CBLB: variants seen among roughly 807,000 people sequenced by gnomAD.
The protein encoded by CBLB is Cbl proto-oncogene B.
CBLB carries 31 observed loss-of-function variants against 104.9 expected under a neutral mutation model. The ratio of observed to expected loss-of-function variants is 0.30; its 90% CI spans 0.22 to 0.40. The LOEUF (loss-of-function observed/expected upper bound fraction) is 0.40. Ranked by LOEUF, CBLB falls within the 10% of genes least tolerant of loss-of-function variation. The pLI, the probability that CBLB is intolerant of heterozygous loss-of-function variation, is 1.00. For missense variants in CBLB, 1,062 were observed against 1,214.6 expected, an observed-to-expected ratio of 0.87 and a Z score of 1.87; for synonymous variants, 440 against 422.6, an observed-to-expected ratio of 1.04 and a Z score of -0.51.
At chr3:105,840,093 C>G (rs1478159526) in intron 3 of CBLB, among the ~76,000 whole-genome samples, 4 of 151,920 alleles carry the variant, frequency 2.6e-5, no homozygotes, top group Admixed American at 2.0e-4. Flanking sequence ...ATCAGTATGC[C>G]CTACAAAAAC....
chr3:105,766,966 G>A (rs1470639092), intron 4 of CBLB, among the ~76,000 whole-genome samples: 1 of 152,042 alleles, frequency 6.6e-6, no homozygotes, highest in African/African-American at 2.4e-5. Context: ...TTGCTTACAG[G>A]TAGAAAATTA....
chr3:105,821,467 A>G (rs1029613404), intron 3 of CBLB, among the ~76,000 whole-genome samples: 1 of 152,158 alleles, frequency 6.6e-6, no homozygotes, highest in African/African-American at 2.4e-5. Flanking sequence ...ACCAGTCTAT[A>G]CAGTAAGTTA....
intron 18 of CBLB, among the ~76,000 whole-genome samples, chr3:105,661,803 G>A (rs73854354): frequency 6.6e-6 from 1 of 152,084 alleles, no homozygotes; most frequent in Admixed American, 6.6e-5. Flanking sequence ...TTATATATCT[G>A]TGTTTAGAGG....
intron 5 of CBLB, among the ~76,000 whole-genome samples, chr3:105,747,427 C>A (rs1035648517): frequency 6.6e-6 from 1 of 152,090 alleles, no homozygotes; most frequent in African/African-American, 2.4e-5. Flanking sequence ...AGGATTATAT[C>A]CCTTGAGATG....
intron 8 of CBLB, among the ~76,000 whole-genome samples, chr3:105,735,350 A>G (rs1699419443): frequency 6.6e-6 from 1 of 152,206 alleles, no homozygotes; most frequent in Non-Finnish European, 1.5e-5. Context: ...AATTCAAAGT[A>G]AGTTATAAAT....
intron 3 of CBLB, among the ~76,000 whole-genome samples, chr3:105,818,115 T>C (rs2085319570): frequency 6.6e-6 from 1 of 152,262 alleles, no homozygotes; most frequent in Admixed American, 6.5e-5. Context: ...ACAAATTTCA[T>C]CAAAATTAAT....
chr3:105,706,211 T>C (rs898290548), intron 10 of CBLB, among the ~76,000 whole-genome samples: 3 of 152,152 alleles, frequency 2.0e-5, no homozygotes, highest in African/African-American at 7.2e-5. Context: ...TGCCTGAATA[T>C]TGTCATGACA....
intron 17 of CBLB, among the ~76,000 whole-genome samples, chr3:105,677,910 G>A (rs908748016): frequency 7.3e-5 from 11 of 151,372 alleles, no homozygotes; most frequent in African/African-American, 2.4e-4. Flanking sequence ...TACACACTGA[G>A]GCATTAAAAA....
At chr3:105,828,251 C>T (rs1490115829) in intron 3 of CBLB, among the ~76,000 whole-genome samples, 3 of 152,186 alleles carry the variant, frequency 2.0e-5, no homozygotes, top group Non-Finnish European at 4.4e-5. Context: ...TTCATCAAAA[C>T]TTGCTCACAG....
chr3:105,754,194 C>T (rs546963257), intron 4 of CBLB, among the ~76,000 whole-genome samples: 32 of 152,138 alleles, frequency 2.1e-4, no homozygotes, highest in African/African-American at 7.2e-4. Flanking sequence ...AAATAGAGTA[C>T]AACAACAAAG....
At chr3:105,792,091 A>T (rs1447745260) in intron 3 of CBLB, among the ~76,000 whole-genome samples, 3 of 152,206 alleles carry the variant, frequency 2.0e-5, no homozygotes, top group Non-Finnish European at 4.4e-5. Context: ...TTAAAAATGC[A>T]GAATCTCAGG....
chr3:105,769,924 T>C (rs1029134955), intron 4 of CBLB, among the ~76,000 whole-genome samples: 1 of 152,142 alleles, frequency 6.6e-6, no homozygotes, highest in African/African-American at 2.4e-5. Flanking sequence ...AGAAGGTTGT[T>C]GGGGTAATGC....
chr3:105,865,405 C>A (rs1421790259), intron 2 of CBLB, among the ~76,000 whole-genome samples: 1 of 152,092 alleles, frequency 6.6e-6, no homozygotes, highest in African/African-American at 2.4e-5. Context: ...GACAAACAGG[C>A]AATGTACATT....
chr3:105,697,505 C>A (rs773616568), intron 12 of CBLB, among the ~76,000 whole-genome samples: 1 of 151,970 alleles, frequency 6.6e-6, no homozygotes, highest in Non-Finnish European at 1.5e-5. Flanking sequence ...TAAACCCCTA[C>A]ACATGCTACC....
At chr3:105,709,942 C>T (rs949107796) in intron 10 of CBLB, among the ~76,000 whole-genome samples, 2 of 151,890 alleles carry the variant, frequency 1.3e-5, no homozygotes, top group African/African-American at 4.8e-5. Context: ...TTTAATGGGC[C>T]ATACCAATGT....
chr3:105,713,695 C>G (rs949010023), intron 10 of CBLB, among the ~76,000 whole-genome samples: 1 of 152,132 alleles, frequency 6.6e-6, no homozygotes, highest in Non-Finnish European at 1.5e-5. Context: ...CTATTTTGCA[C>G]GAAGAGCTTT....
rs1559948970 is a variant in CBLB, at chr3:105,720,107, CA to C, written c.1346del (p.Leu449TrpfsTer11). ...IDPFGMPMLD[L>X]DDDDDREESL... ...ACTCCTCACGATCATCATCGTCGTC[CA>C]AGTCTAGCATCGGCATGCCAAAGGG... On this transcript the variant is annotated frameshift_variant, in exon 10 of 19. Coordinates refer to ENST00000394030, the MANE Select transcript of CBLB (RefSeq NM_170662.5). LOFTEE classifies it high-confidence loss of function. The C allele has an allele frequency of 6.2e-7, 1 of 1,613,932 alleles. No individual in the cohort carries two copies. Among genetic ancestry groups the C allele is most frequent in the Non-Finnish European group, 8.5e-7 (1 of 1,179,986 alleles).
intron 5 of CBLB, among the ~76,000 whole-genome samples, chr3:105,750,847 A>AT (rs1164647090): frequency 6.6e-6 from 1 of 152,192 alleles, no homozygotes; most frequent in African/African-American, 2.4e-5. Flanking sequence ...AAAGACCTAA[A>AT]TTTTTCAAAA....
chr3:105,858,044 T>C (rs2091778230), intron 2 of CBLB, among the ~76,000 whole-genome samples: 1 of 152,126 alleles, frequency 6.6e-6, no homozygotes, highest in South Asian at 2.1e-4. Flanking sequence ...GTAAATGCAG[T>C]TATTCTAAAA....
Sources: gnomAD v4.1 joint callset for allele counts (sites outside exome capture counted in the v4.1 genomes callset) on GRCh38, gnomAD v4.1.1 for gene constraint, MANE v1.5 for transcripts, NCBI Gene and HGNC (gene_info 2026-07-23, HGNC 2026-07-21) for gene names.